Variants in APPL1 observed in about 807,000 individuals in gnomAD.
APPL1 encodes the protein DCC-interacting protein 13-alpha.
A neutral mutation model predicts 106.8 loss-of-function variants in APPL1; 42 were observed. The observed-to-expected ratio is 0.39, with a 90% CI of 0.31 to 0.51. The LOEUF (loss-of-function observed/expected upper bound fraction) is 0.51. Among genes scored for constraint, APPL1 ranks in the 20% least tolerant of loss-of-function variants. The pLI is 0.75. For missense variants in APPL1, 769 were observed against 858.2 expected (o/e 0.90, Z 1.30); for synonymous variants, 263 against 281.8 (o/e 0.93, Z 0.67).
chr3:57,244,909 T>C (rs1188164430), intron 7 of APPL1, among the ~76,000 whole-genome samples: 1 of 152,134 alleles, frequency 6.6e-6, no homozygotes, highest in African/African-American at 2.4e-5. Context: ...TTGGGAGATA[T>C]TTTTTTAAGT....
intron 11 of APPL1, among the ~76,000 whole-genome samples, chr3:57,249,750 A>G (rs1411990040): frequency 6.6e-6 from 1 of 152,014 alleles, no homozygotes; most frequent in East Asian, 1.9e-4. Context: ...GAAGTTGTCA[A>G]AGCAATGTCA....
At chr3:57,236,778 A>G (rs550156754) in intron 2 of APPL1, among the ~76,000 whole-genome samples, 36 of 152,338 alleles carry the variant, frequency 2.4e-4, no homozygotes, top group Non-Finnish European at 4.3e-4. Context: ...ATTTGAAGCT[A>G]TGTTTGGATA....
chr3:57,257,608 C>T lies in APPL1; in HGVS notation c.1430+180C>T, dbSNP rs538360853. Among the ~76,000 whole-genome samples the T allele has an allele frequency of 2.0e-5, 3 of 152,226 alleles. No individual in the cohort carries two copies. In the South Asian group the frequency reaches 6.2e-4, roughly 32 times the overall value. On this transcript the variant is annotated intron_variant, in intron 15 of 21. Coordinates refer to ENST00000288266, the MANE Select transcript of APPL1 (RefSeq NM_012096.3). ...CAGGTTTTTTTCTCTATGTCTTCTG[C>T]CTCAGTTAAGGAGTTAAGATAATTT... is the stretch of plus-strand genomic sequence containing the variant.
chr3:57,258,995 C>G, intron 15 of APPL1, 33 bp from the exon 16 acceptor site: 2 of 1,542,986 alleles, frequency 1.3e-6, no homozygotes, highest in Non-Finnish European at 1.8e-6. Flanking sequence ...TGGTAACTGA[C>G]CATGTGTTCA....
chr3:57,262,680 C>T (rs2060872938), intron 19 of APPL1, among the ~76,000 whole-genome samples: 1 of 151,322 alleles, frequency 6.6e-6, no homozygotes, highest in African/African-American at 2.4e-5. Context: ...GCTGCCACAC[C>T]CAGCTGGAAA....
intron 19 of APPL1, among the ~76,000 whole-genome samples, chr3:57,261,627 T>A (rs2060865883): frequency 6.6e-6 from 1 of 152,212 alleles, no homozygotes; most frequent in Non-Finnish European, 1.5e-5. Context: ...CACGCCATTC[T>A]CCTGCCTCAG....
chr3:57,263,574 T>C (rs1290872095), intron 19 of APPL1, among the ~76,000 whole-genome samples: 3 of 152,188 alleles, frequency 2.0e-5, no homozygotes, highest in Admixed American at 1.3e-4. Flanking sequence ...ATATATCTTA[T>C]TGCAAATGAC....
chr3:57,231,000 T>C (rs1002420031), intron 1 of APPL1, among the ~76,000 whole-genome samples: 1 of 151,738 alleles, frequency 6.6e-6, no homozygotes, highest in African/African-American at 2.4e-5. Flanking sequence ...CGGGTTCAAG[T>C]GATTCTGCTT....
intron 7 of APPL1, among the ~76,000 whole-genome samples, chr3:57,245,000 A>G (rs2060765336): frequency 6.6e-6 from 1 of 152,170 alleles, no homozygotes; most frequent in Non-Finnish European, 1.5e-5. Flanking sequence ...ATCCTGTAGT[A>G]ATTAAGAAAG....
chr3:57,261,456 A>G (rs1042480068), intron 19 of APPL1, among the ~76,000 whole-genome samples: 2 of 152,158 alleles, frequency 1.3e-5, no homozygotes, highest in African/African-American at 4.8e-5. Context: ...GATTTCTTTA[A>G]TTTTGGGTAG....
intron 4 of APPL1, among the ~76,000 whole-genome samples, chr3:57,239,084 G>C (rs1026547328): frequency 3.9e-5 from 6 of 152,340 alleles, no homozygotes; most frequent in African/African-American, 1.4e-4. Context: ...GAGAGAGAAT[G>C]AAAGACAAGT....
intron 15 of APPL1, among the ~76,000 whole-genome samples, chr3:57,258,569 C>G (rs1387202465): frequency 6.6e-6 from 1 of 152,282 alleles, no homozygotes; most frequent in South Asian, 2.1e-4. Context: ...TTTCTTTTTG[C>G]ATTGTTACTT....
intron 20 of APPL1, 116 bp downstream of exon 20, chr3:57,267,908 A>G (rs971472984): frequency 9.8e-7 from 1 of 1,019,698 alleles, no homozygotes; most frequent in East Asian, 2.4e-5. Context: ...CCTGGCCAAC[A>G]TGGTGAAACC....
chr3:57,250,932 C>T (rs932707809), intron 11 of APPL1, among the ~76,000 whole-genome samples: 2 of 149,350 alleles, frequency 1.3e-5, no homozygotes, highest in Non-Finnish European at 3.0e-5. Context: ...CTCAGCCTCC[C>T]GAGTAGCTGG....
At chr3:57,238,355 T>G (rs1238220265) in intron 4 of APPL1, 3 of 406,636 alleles carry the variant, frequency 7.4e-6, no homozygotes, top group Admixed American at 4.3e-5. Flanking sequence ...ACATTCAGTC[T>G]TGACATGTGT....
At chr3:57,234,691 G>A (rs923977349) in intron 1 of APPL1, among the ~76,000 whole-genome samples, 13 of 148,242 alleles carry the variant, frequency 8.8e-5, no homozygotes, top group Non-Finnish European at 1.6e-4. Context: ...TTGCTTTGTC[G>A]CCCGCCCAGG....
chr3:57,258,935 T>C lies in APPL1; in HGVS notation c.1431-93T>C. 5 of 958,544 alleles carry C rather than the reference T, an allele frequency of 5.2e-6. 1 individual carries two copies. In the South Asian group the frequency reaches 8.1e-5, roughly 16 times the overall value. 59.4% of individuals were successfully genotyped at this position (958,544 alleles called of 1,614,324 possible). On this transcript the variant is annotated intron_variant, in intron 15 of 21. Coordinates refer to ENST00000288266, the MANE Select transcript of APPL1 (RefSeq NM_012096.3). The stretch of plus-strand genomic sequence containing the variant: ...ATGGGGCATTTTAGAGCTTTTTTTT[T>C]TTAAATGTTAACTGTGGTTTTAATA...
At chr3:57,255,995 A>T (rs1204402757) in intron 13 of APPL1, among the ~76,000 whole-genome samples, 1 of 152,206 alleles carries the variant, frequency 6.6e-6, no homozygotes, top group Non-Finnish European at 1.5e-5. Context: ...GCATTGTATT[A>T]GTCATTTTGC....
rs370420425 is a variant in APPL1, at chr3:57,242,083, A to T, written c.374-18A>T. On this transcript the variant is annotated intron_variant, in intron 5 of 21. Transcript: ENST00000288266. Reference sequence around the variant, plus strand: ...TTCATAAATGTGCCAAACTTAAATTATTCTTGAACTTTTTCAGAAATACTA... The same window carrying T: ...TTCATAAATGTGCCAAACTTAAATTTTTCTTGAACTTTTTCAGAAATACTA... 7.1e-6 allele frequency: 11 copies of T among 1,559,920 alleles called. No homozygotes were observed. The African/African-American group carries it at 1.4e-4, about 19-fold the overall frequency.
Sources: gnomAD v4.1 joint callset for allele counts (sites outside exome capture counted in the v4.1 genomes callset) on GRCh38, gnomAD v4.1.1 for gene constraint, MANE v1.5 for transcripts, NCBI Gene and HGNC (gene_info 2026-07-23, HGNC 2026-07-21) for gene names.